Variants in PALLD observed in about 807,000 individuals in gnomAD.
The protein encoded by PALLD is palladin, cytoskeletal associated protein, also known as palladin.
Under a neutral mutation model 123.5 loss-of-function variants are expected in PALLD, and 61 were observed. That is an observed-to-expected ratio of 0.49 (90% CI 0.40 to 0.61). The LOEUF is 0.61. Ranked by LOEUF, PALLD falls within the 20% of genes least tolerant of loss-of-function variation. The pLI is 0.00. For synonymous variants in PALLD, 465 were observed against 496.4 expected (o/e 0.94, Z 0.84); for missense variants, 1,273 against 1,377.0 (o/e 0.92, Z 1.20).
chr4:168,835,859 T>G lies in PALLD; in HGVS notation c.1965-55063T>G, dbSNP rs550085523. Among the ~76,000 whole-genome samples, 19 of 152,262 alleles carry G rather than the reference T, an allele frequency of 1.2e-4. No individual in the cohort carries two copies. The East Asian group carries it at 3.7e-3, about 29-fold the overall frequency. ...GATTATAGGCGTGAGCCACTGTGCC[T>G]GGCTCAAAGAGTTTTAATGAATAGA... On this transcript the variant is annotated intron_variant, in intron 10 of 21. Coordinates refer to ENST00000505667, the MANE Select transcript of PALLD (RefSeq NM_001166108.2).
chr4:168,603,100 G>T (rs891720781), intron 2 of PALLD, among the ~76,000 whole-genome samples: 1 of 152,138 alleles, frequency 6.6e-6, no homozygotes, highest in South Asian at 2.1e-4. Flanking sequence ...TGATACCCCA[G>T]TCATGGATTA....
At position 168,927,957 on chromosome 4, in the gene PALLD, A is replaced by T. The variant is rs941171389; in HGVS notation, c.*1777A>T. 5.6e-5 allele frequency: 11 copies of T among 197,538 alleles called. No individual in the cohort carries two copies. Among genetic ancestry groups the T allele is most frequent in the African/African-American group, 2.3e-4 (10 of 43,308 alleles). The allele number at this position is 197,538 out of a possible 1,614,324, so 12.2% of individuals were successfully genotyped here. On this transcript the variant is annotated 3_prime_UTR_variant, in exon 22 of 22. Coordinates refer to ENST00000505667, the MANE Select transcript of PALLD (RefSeq NM_001166108.2). Reference sequence around the variant, plus strand: ...CTCTCTTAGCTCAGTTACTCAATTCATACGTAGTATTTTTTAAAATAATTT... The same window carrying T: ...CTCTCTTAGCTCAGTTACTCAATTCTTACGTAGTATTTTTTAAAATAATTT...
intron 10 of PALLD, among the ~76,000 whole-genome samples, chr4:168,750,564 T>G (rs1466852932): frequency 6.6e-6 from 1 of 152,204 alleles, no homozygotes; most frequent in Non-Finnish European, 1.5e-5. Flanking sequence ...TTGGCCACTA[T>G]TTAGTATGCT....
At chr4:168,671,650 T>G (rs1472211823) in intron 3 of PALLD, among the ~76,000 whole-genome samples, 1 of 152,190 alleles carries the variant, frequency 6.6e-6, no homozygotes. Context: ...ACAAAAGATT[T>G]TAGTGTTTTA....
chr4:168,652,027 C>T (rs1339530072), intron 2 of PALLD, among the ~76,000 whole-genome samples: 1 of 152,094 alleles, frequency 6.6e-6, no homozygotes, highest in Admixed American at 6.6e-5. Flanking sequence ...TTCAACACTC[C>T]ACACCCTCTC....
chr4:168,820,561 C>T (rs953022461), intron 10 of PALLD, among the ~76,000 whole-genome samples: 17 of 151,942 alleles, frequency 1.1e-4, no homozygotes, highest in African/African-American at 1.9e-4. Flanking sequence ...ATCACAAGTG[C>T]GTATGTTGAG....
chr4:168,884,735 T>A (rs1753101452), intron 10 of PALLD, among the ~76,000 whole-genome samples: 1 of 152,214 alleles, frequency 6.6e-6, no homozygotes, highest in Admixed American at 6.5e-5. Context: ...TTCTTGTAAA[T>A]TCTGGTCAAG....
At chr4:168,761,011 T>C (rs533477222) in intron 10 of PALLD, among the ~76,000 whole-genome samples, 8 of 152,300 alleles carry the variant, frequency 5.3e-5, no homozygotes, top group Admixed American at 3.9e-4. Flanking sequence ...TCCGATGCAT[T>C]TTTTGTTCTC....
At chr4:168,744,093 A>C (rs7657509) in intron 10 of PALLD, among the ~76,000 whole-genome samples, 84,691 of 151,920 alleles carry the variant, frequency 0.56, 23,940 homozygotes, top group African/African-American at 0.65. Flanking sequence ...TCCTGTCCTC[A>C]TGAAAGCTCT....
intron 19 of PALLD, 22 bp downstream of exon 19, chr4:168,924,442 C>A: frequency 6.2e-7 from 1 of 1,603,942 alleles, no homozygotes; most frequent in East Asian, 2.2e-5. Context: ...CAATGAGAAC[C>A]TGATCCTTAA....
chr4:168,883,025 G>T (rs1436503935), intron 10 of PALLD, among the ~76,000 whole-genome samples: 4 of 151,640 alleles, frequency 2.6e-5, no homozygotes, highest in African/African-American at 7.3e-5. Flanking sequence ...CAGTGGGTGA[G>T]GTTGCAGTGA....
At position 168,903,807 on chromosome 4, in the gene PALLD, C is replaced by T. The variant is rs146083886; in HGVS notation, c.2523C>T (p.Tyr841=). The T allele has an allele frequency of 3.1e-6, 5 of 1,611,408 alleles. No homozygotes were observed. The East Asian group carries it at 6.7e-5, about 22-fold the overall frequency. ...AGATCTCTCCAAAGAGTGATCACTA[C>T]ACCATTCAAAGAGATCTCGATGGGA... ...GKQISPKSDH[Y]TIQRDLDGTC... The change falls in exon 15 of 22, where the codon TAC becomes TAT. Residue 841 remains tyrosine, a synonymous_variant. Coordinates refer to ENST00000505667, the MANE Select transcript of PALLD (RefSeq NM_001166108.2).
At chr4:168,626,714 GAAA>G (rs767084915) in intron 2 of PALLD, among the ~76,000 whole-genome samples, 2 of 100,378 alleles carry the variant, frequency 2.0e-5, no homozygotes, top group African/African-American at 3.6e-5. Flanking sequence ...CTGCCTCCAG[GAAA>G]AAAAAAAAAA....
intron 2 of PALLD, among the ~76,000 whole-genome samples, chr4:168,643,377 C>T (rs1318496565): frequency 2.0e-5 from 3 of 152,130 alleles, no homozygotes; most frequent in Non-Finnish European, 4.4e-5. Flanking sequence ...ACTGGCTTTG[C>T]AATGTTAACA....
chr4:168,615,689 GCTGCCTCCCCAGCCAA>G (rs1236231080), intron 2 of PALLD, among the ~76,000 whole-genome samples: 1 of 152,160 alleles, frequency 6.6e-6, no homozygotes, highest in Non-Finnish European at 1.5e-5. Flanking sequence ...AGGCGATGTT[GCTGCCTCCCCAGCCAA>G]GGGGGGTGCT....
intron 10 of PALLD, among the ~76,000 whole-genome samples, chr4:168,746,671 GTTA>G (rs1216549389): frequency 6.6e-6 from 1 of 152,096 alleles, no homozygotes; most frequent in Non-Finnish European, 1.5e-5. Context: ...TCTTGTGAAA[GTTA>G]TTATTTTTAA....
chr4:168,820,012 C>T (rs987475804), intron 10 of PALLD, among the ~76,000 whole-genome samples: 2 of 152,220 alleles, frequency 1.3e-5, no homozygotes, highest in Non-Finnish European at 2.9e-5. Context: ...CTGCCTTTGC[C>T]TTCTTGCCCC....
In PALLD at chr4:168,914,012, A is replaced by G; in HGVS notation, c.2708A>G (p.His903Arg). 6.3e-7 allele frequency: 1 copy of G among 1,591,286 alleles called. No individual in the cohort carries two copies. Among genetic ancestry groups the G allele is most frequent in the Non-Finnish European group, 8.6e-7 (1 of 1,159,356 alleles). ...CCCCGGTCTCCCTCAGGCCATCCTC[A>G]TGTCAGAAGGTATTTAACATGTTCC... ...RSPRSPSGHPHVRRPRSRSRD... is the reference protein window; with the variant it reads ...RSPRSPSGHPRVRRPRSRSRD... Residue 903 changes from histidine (H) to arginine (R), a missense_variant, in exon 16 of 22, where the codon CAT (histidine) becomes CGT (arginine). By Grantham distance (29) the His-to-Arg change is conservative. This residue lies in a region of PALLD where 329 missense variants were observed against 422.5 expected (regional missense o/e 0.78). Coordinates refer to ENST00000505667, the MANE Select transcript of PALLD (RefSeq NM_001166108.2).
At chr4:168,614,719 A>G (rs1774054342) in intron 2 of PALLD, among the ~76,000 whole-genome samples, 1 of 152,236 alleles carries the variant, frequency 6.6e-6, no homozygotes, top group Non-Finnish European at 1.5e-5. Flanking sequence ...AAAAAAAATC[A>G]CAGGAAAAGA....
Sources: gnomAD v4.1 joint callset for allele counts (sites outside exome capture counted in the v4.1 genomes callset) on GRCh38, gnomAD v4.1.1 for gene constraint, gnomAD v4.1.1 regional missense constraint, MANE v1.5 for transcripts, NCBI Gene and HGNC (gene_info 2026-07-23, HGNC 2026-07-21) for gene names.